The following SLC2A9 variants were observed in gnomAD, a reference collection of about 807,000 sequenced individuals.
SLC2A9 encodes solute carrier family 2 member 9.
Under a neutral mutation model 50.6 loss-of-function variants are expected in SLC2A9, and 39 were observed. The observed-to-expected ratio is 0.77, with a 90% CI of 0.60 to 1.01. The LOEUF (loss-of-function observed/expected upper bound fraction) is 1.01. SLC2A9 is among the 50% of genes least tolerant of loss of function. The pLI, the probability that SLC2A9 is intolerant of heterozygous loss-of-function variation, is 0.00. For missense variants in SLC2A9, 686 were observed against 677.6 expected (o/e 1.01, Z -0.14); for synonymous variants, 324 against 276.9 (o/e 1.17, Z -1.69).
intron 3 of SLC2A9, among the ~76,000 whole-genome samples, chr4:9,816,029 G>T (rs1723541860): frequency 6.6e-6 from 1 of 152,016 alleles, no homozygotes. Flanking sequence ...AATTAGCCGG[G>T]CATGGTGGCA....
chr4:9,845,350 A>T (rs1728790539), intron 10 of SLC2A9, among the ~76,000 whole-genome samples: 1 of 151,838 alleles, frequency 6.6e-6, no homozygotes, highest in South Asian at 2.1e-4. Context: ...AATAAAAGAA[A>T]TAAAGGACAA....
rs1407362757 is a variant in SLC2A9, at chr4:9,908,362, A to G, written c.1003-17T>C. 6.5e-7 allele frequency: 1 copy of G among 1,541,652 alleles called. No individual in the cohort carries two copies. The highest frequency in any genetic ancestry group is 1.4e-5 in the African/African-American group (1 of 74,004). On this transcript the variant is annotated splice_polypyrimidine_tract_variant and intron_variant, in intron 7 of 11. Coordinates refer to ENST00000264784, the MANE Select transcript of SLC2A9 (RefSeq NM_020041.3). ...GAACCAAATCTGTAATTCAGGAAAGAATGAGCAGAGAGAATGGTCAGTGGA... is the reference window on the plus strand; with the variant it reads ...GAACCAAATCTGTAATTCAGGAAAGGATGAGCAGAGAGAATGGTCAGTGGA...
intron 10 of SLC2A9, chr4:9,879,611 C>T: frequency 1.0e-6 from 1 of 985,424 alleles, no homozygotes; most frequent in Non-Finnish European, 1.2e-6. Context: ...ACCGCTCCAT[C>T]TTCTGGGGTG....
intron 5 of SLC2A9, among the ~76,000 whole-genome samples, chr4:9,976,074 C>T (rs1754749041): frequency 6.6e-6 from 1 of 152,070 alleles, no homozygotes; most frequent in Admixed American, 6.6e-5. Flanking sequence ...AAGATGGCAA[C>T]ACTAGACACT....
chr4:9,841,623 G>A (rs1728093017), intron 10 of SLC2A9, among the ~76,000 whole-genome samples: 1 of 152,154 alleles, frequency 6.6e-6, no homozygotes, highest in Non-Finnish European at 1.5e-5. Context: ...ATGGGAAAAT[G>A]TGGCAGGGGT....
intron 5 of SLC2A9, among the ~76,000 whole-genome samples, chr4:9,967,278 A>T (rs1753192189): frequency 6.6e-6 from 1 of 152,208 alleles, no homozygotes; most frequent in African/African-American, 2.4e-5. Context: ...AAAAGTTATA[A>T]ATGGAATGAA....
Position 9,955,413 on chromosome 4 carries a change from T to A in SLC2A9, c.682-13368A>T, listed in dbSNP as rs1384149758. On this transcript the variant is annotated intron_variant, in intron 5 of 11. Transcript: ENST00000264784. ...GGGAGGCTGAGGCAGGAGAATGGCG[T>A]GAACCCGGGAGGCGGAGCTTGCAGT... Among the ~76,000 whole-genome samples the A allele has an allele frequency of 9.6e-5, 5 of 52,328 alleles. 2 individuals carry two copies. The highest frequency in any genetic ancestry group is 1.8e-4 in the Non-Finnish European group (5 of 27,886). 34.3% of individuals were successfully genotyped at this position (52,328 alleles called of 152,430 possible).
At chr4:9,923,760 C>T (rs141430935) in intron 6 of SLC2A9, 3 of 152,342 alleles carry the variant, frequency 2.0e-5, no homozygotes, top group Non-Finnish European at 4.4e-5. Flanking sequence ...TTACGGCCCC[C>T]CGTCTGTTTT....
intron 6 of SLC2A9, among the ~76,000 whole-genome samples, chr4:9,932,612 G>A (rs1746350140): frequency 6.6e-6 from 1 of 152,242 alleles, no homozygotes; most frequent in Admixed American, 6.5e-5. Context: ...AAGTGAGGGA[G>A]GTGTGGGTCA....
chr4:9,811,313 C>T (rs1158309912), intron 3 of SLC2A9, among the ~76,000 whole-genome samples: 2 of 152,228 alleles, frequency 1.3e-5, no homozygotes, highest in Non-Finnish European at 1.5e-5. Flanking sequence ...TACTTCCCCT[C>T]TCCTTAAATT....
chr4:10,040,241 G>C (rs941283912), exon 1 of SLC2A9: 1 of 152,196 alleles, frequency 6.6e-6, no homozygotes, highest in Admixed American at 6.5e-5. Flanking sequence ...GCCAGCCCTA[G>C]AGCCAACACT....
intron 2 of SLC2A9, among the ~76,000 whole-genome samples, chr4:10,006,252 A>G (rs1560476211): frequency 6.6e-6 from 1 of 152,210 alleles, no homozygotes; most frequent in Admixed American, 6.5e-5. Context: ...AAATTGCCAG[A>G]CAATGGGAGG....
chr4:9,873,520 A>G (rs1424765412), intron 10 of SLC2A9, among the ~76,000 whole-genome samples: 4 of 152,222 alleles, frequency 2.6e-5, no homozygotes, highest in Non-Finnish European at 5.9e-5. Flanking sequence ...CCCAGGCCTC[A>G]GGCAGTTTTG....
rs561087304 is a variant in SLC2A9 at position 9,835,793 on chromosome 4, T to A, written c.1292-785A>T. Among the ~76,000 whole-genome samples the A allele has an allele frequency of 4.6e-5, 7 of 152,150 alleles. No individual in the cohort carries two copies. In the South Asian group the frequency reaches 1.5e-3, roughly 32 times the overall value. ...CTACGAGGATGCAAAGGCATAAGAA[T>A]GATACAACTGGGGCCAGGCGCGGTG... On this transcript the variant is annotated intron_variant, in intron 10 of 11. Coordinates refer to ENST00000264784, the MANE Select transcript of SLC2A9 (RefSeq NM_020041.3).
intron 8 of SLC2A9, among the ~76,000 whole-genome samples, chr4:9,905,578 G>A (rs11940661): frequency 0.21 from 31,452 of 152,138 alleles, 3,755 homozygotes; most frequent in African/African-American, 0.32. Context: ...TCCTTTCTGG[G>A]GTTTCCAAGG....
chr4:9,997,004 A>T, intron 2 of SLC2A9, 63 bp from the exon 3 acceptor site: 1 of 1,592,868 alleles, frequency 6.3e-7, no homozygotes. Context: ...GAAGCAAGCC[A>T]GTGTACAAAA....
At chr4:9,876,647 C>T (rs1734367763) in intron 10 of SLC2A9, among the ~76,000 whole-genome samples, 1 of 152,174 alleles carries the variant, frequency 6.6e-6, no homozygotes. Context: ...ACTGTATCTC[C>T]TGATTCCCTG....
chr4:9,914,384 A>G (rs954451649), intron 7 of SLC2A9, among the ~76,000 whole-genome samples: 1 of 152,238 alleles, frequency 6.6e-6, no homozygotes, highest in Non-Finnish European at 1.5e-5. Context: ...CACAGCCCCA[A>G]GCAAATGTCA....
At chr4:9,837,844 C>T (rs911899927) in intron 10 of SLC2A9, among the ~76,000 whole-genome samples, 13 of 152,130 alleles carry the variant, frequency 8.5e-5, no homozygotes, top group African/African-American at 3.1e-4. Context: ...TGTGTTCACT[C>T]CCATTATCTC....
Sources: gnomAD v4.1 joint callset for allele counts (sites outside exome capture counted in the v4.1 genomes callset) on GRCh38, gnomAD v4.1.1 for gene constraint, MANE v1.5 for transcripts, NCBI Gene and HGNC (gene_info 2026-07-23, HGNC 2026-07-21) for gene names.